SERINC2: variants seen among roughly 807,000 people sequenced by gnomAD.
The protein encoded by SERINC2 is serine incorporator 2.
A neutral mutation model predicts 54.2 loss-of-function variants in SERINC2; 56 were observed. The observed-to-expected ratio is 1.03, with a 90% confidence interval of 0.83 to 1.29. The LOEUF is 1.29. Among genes scored for constraint, SERINC2 ranks in the 50% most tolerant of loss-of-function variants. The pLI is 0.00. For missense variants in SERINC2, 614 were observed against 607.4 expected (o/e 1.01, Z -0.12); for synonymous variants, 272 against 253.1 (o/e 1.07, Z -0.71).
chr1:31,414,218 G>A (rs1640719240), intron 1 of SERINC2: 2 of 1,351,502 alleles, frequency 1.5e-6, no homozygotes, highest in East Asian at 3.1e-5. Context: ...GAGGGGAGGG[G>A]CTCCAGCAAG....
At chr1:31,432,419 C>A (rs996152891) in intron 8 of SERINC2, among the ~76,000 whole-genome samples, 1 of 152,042 alleles carries the variant, frequency 6.6e-6, no homozygotes, top group Non-Finnish European at 1.5e-5. Context: ...ACAATCATTA[C>A]TGTTGTTCTT....
chr1:31,426,537 G>C, intron 5 of SERINC2, 117 bp from the exon 6 acceptor site: 2 of 768,344 alleles, frequency 2.6e-6, no homozygotes, highest in Non-Finnish European at 4.2e-6. Context: ...TTCTTCAAGT[G>C]GGGAAACTGA....
chr1:31,413,966 C>G lies in SERINC2; in HGVS notation c.39+662C>G. 3.9e-6 allele frequency: 6 copies of G among 1,529,070 alleles called. No homozygotes were observed. Among genetic ancestry groups the G allele is most frequent in the Non-Finnish European group, 5.2e-6 (6 of 1,144,310 alleles). The allele number at this position is 1,529,070 out of a possible 1,614,324, so 94.7% of individuals were successfully genotyped here. A position where few individuals can be genotyped will look rare whatever the true frequency, so the allele number is the denominator to read the frequency against. On this transcript the variant is annotated intron_variant, in intron 1 of 9. Coordinates refer to ENST00000373709, the MANE Select transcript of SERINC2 (RefSeq NM_178865.5). The surrounding 1 kb of genome is among the most constrained non-coding windows in gnomAD (Gnocchi z 5.0). The stretch of plus-strand genomic sequence containing the variant: ...TCTGGCTCGCGCTGCCTCTCAGGCA[C>G]TTCCCCAGCTCGCCCCGGATCATCT...
upstream of SERINC2, among the ~76,000 whole-genome samples, chr1:31,411,637 A>AC (rs1640650763): frequency 6.6e-6 from 1 of 152,018 alleles, no homozygotes; most frequent in Admixed American, 6.6e-5. Flanking sequence ...GGCTCTCTTC[A>AC]CTGAGAGGTA....
rs1168002387 is a variant in SERINC2, at chr1:31,413,252, C to T, written c.-14C>T. On this transcript the variant is annotated 5_prime_UTR_variant, in exon 1 of 10. Transcript: ENST00000373709. This position sits in a 1 kb window ranked among gnomAD's most constrained non-coding sequence, Gnocchi z 5.0. Reference sequence around the variant, plus strand: ...GCGCCCGGCGCCGGGCGCCCGAAGCCGGGAGCCGCCGCCATGGGGGCCTGC... The same window carrying T: ...GCGCCCGGCGCCGGGCGCCCGAAGCTGGGAGCCGCCGCCATGGGGGCCTGC... The T allele has an allele frequency of 8.3e-7, 1 of 1,204,838 alleles. No homozygotes were observed. 74.6% of individuals were successfully genotyped at this position (1,204,838 alleles called of 1,614,324 possible). A position where few individuals can be genotyped will look rare whatever the true frequency, so the allele number is the denominator to read the frequency against.
intron 8 of SERINC2, among the ~76,000 whole-genome samples, chr1:31,432,348 A>C (rs952204430): frequency 4.0e-5 from 6 of 151,842 alleles, no homozygotes; most frequent in African/African-American, 1.5e-4. Context: ...AAAAATTTTT[A>C]TGTCTCAAAC....
In SERINC2 at chr1:31,434,056, T is replaced by G. The variant is rs782174593; in HGVS notation, c.1233-8T>G. 1.6e-5 allele frequency: 25 copies of G among 1,612,876 alleles called. No homozygotes were observed. The East Asian group carries it at 5.6e-4, about 36-fold the overall frequency. ...CACCAGGCTCATGGGGAAGATGGTG[T>G]GTTCCAGGCCCGGTGAGACCCGGAA... On this transcript the variant is annotated splice_polypyrimidine_tract_variant and splice_region_variant and intron_variant, in intron 9 of 9. Coordinates refer to ENST00000373709, the MANE Select transcript of SERINC2 (RefSeq NM_178865.5).
At chr1:31,414,021 C>G (rs1640712605) in intron 1 of SERINC2, 1 of 1,522,358 alleles carries the variant, frequency 6.6e-7, no homozygotes, top group Non-Finnish European at 8.8e-7. Context: ...GGGATGGGAG[C>G]GGAGGGAGCC....
Position 31,413,905 on chromosome 1 carries a change from C to A in SERINC2, c.39+601C>A. The A allele has an allele frequency of 6.8e-7, 1 of 1,466,490 alleles. No homozygotes were observed. The highest frequency in any genetic ancestry group is 8.9e-7 in the Non-Finnish European group (1 of 1,117,574). 90.8% of individuals were successfully genotyped at this position (1,466,490 alleles called of 1,614,324 possible). A position where few individuals can be genotyped will look rare whatever the true frequency, so the allele number is the denominator to read the frequency against. On this transcript the variant is annotated intron_variant, in intron 1 of 9. Coordinates refer to ENST00000373709, the MANE Select transcript of SERINC2 (RefSeq NM_178865.5). The surrounding 1 kb of genome is among the most constrained non-coding windows in gnomAD (Gnocchi z 5.0). ...TCCGTCTGCCCGTCCGCCCGTCCGT[C>A]CCTCAGTCTCTCTGCGGTCCCTTTA...
intron 1 of SERINC2, among the ~76,000 whole-genome samples, chr1:31,420,480 C>G (rs1209615470): frequency 2.0e-5 from 3 of 152,184 alleles, no homozygotes; most frequent in African/African-American, 4.8e-5. Flanking sequence ...GCACCTGGCT[C>G]CTGAGATCAG....
intron 1 of SERINC2, among the ~76,000 whole-genome samples, chr1:31,423,416 A>G (rs1640947881): frequency 6.6e-6 from 1 of 152,120 alleles, no homozygotes; most frequent in African/African-American, 2.4e-5. Context: ...CCCTCCCTGT[A>G]AGAAAGAAAC....
At chr1:31,425,653 C>A (rs1331166483) in intron 4 of SERINC2, 123 bp from the exon 5 acceptor site, 2 of 1,258,796 alleles carry the variant, frequency 1.6e-6, no homozygotes, top group African/African-American at 1.5e-5. Flanking sequence ...GCTAGGGGCT[C>A]CCTGAGGGCA....
At chr1:31,420,780 C>G (rs1640885147) in intron 1 of SERINC2, among the ~76,000 whole-genome samples, 1 of 152,166 alleles carries the variant, frequency 6.6e-6, no homozygotes, top group African/African-American at 2.4e-5. Flanking sequence ...ATCAGTGAAG[C>G]TTAATGTAGA....
intron 8 of SERINC2, among the ~76,000 whole-genome samples, chr1:31,431,786 A>AGGGTGGTTAGGGTGGATAGGGTGGT (rs1557499739): frequency 2.0e-5 from 1 of 49,552 alleles, no homozygotes; most frequent in Non-Finnish European, 6.3e-5. Context: ...AATAGGGTGG[A>AGGGTGGTTAGGGTGGATAGGGTGGT]TAGGGTGGAT....
intron 1 of SERINC2, among the ~76,000 whole-genome samples, chr1:31,420,500 G>A (rs1640879413): frequency 1.3e-5 from 2 of 152,176 alleles, no homozygotes; most frequent in South Asian, 2.1e-4. Flanking sequence ...GTACCCACTG[G>A]CCTCCCTTGG....
chr1:31,427,775 G>A (rs2148522194), intron 6 of SERINC2, among the ~76,000 whole-genome samples: 1 of 151,874 alleles, frequency 6.6e-6, no homozygotes, highest in East Asian at 1.9e-4. Context: ...TTCAAACCCA[G>A]GCAGGCTGGC....
intron 8 of SERINC2, among the ~76,000 whole-genome samples, chr1:31,432,199 G>GAT (rs1557501780): frequency 4.2e-5 from 6 of 144,394 alleles, no homozygotes; most frequent in South Asian, 2.1e-4. Context: ...GGTTAGAGTG[G>GAT]AGAGAGTGGA....
chr1:31,431,133 T>C (rs1223559756), intron 8 of SERINC2, among the ~76,000 whole-genome samples: 5 of 146,760 alleles, frequency 3.4e-5, no homozygotes, highest in African/African-American at 1.0e-4. Flanking sequence ...TCCTCTCTCT[T>C]TTCTTTTTTG....
chr1:31,419,644 A>G (rs1414101165), intron 1 of SERINC2, among the ~76,000 whole-genome samples: 1 of 152,128 alleles, frequency 6.6e-6, no homozygotes, highest in Non-Finnish European at 1.5e-5. Context: ...CCTGGCCAAC[A>G]TGAGAAAACC....
Sources: gnomAD v4.1 joint callset for allele counts (sites outside exome capture counted in the v4.1 genomes callset) on GRCh38, gnomAD v4.1.1 for gene constraint, Gnocchi (gnomAD v3.1) non-coding constraint, MANE v1.5 for transcripts, NCBI Gene and HGNC (gene_info 2026-07-23, HGNC 2026-07-21) for gene names.